Variants in KIF5C observed in about 807,000 individuals in gnomAD.
KIF5C encodes kinesin heavy chain isoform 5C.
Under a neutral mutation model 125.2 loss-of-function variants are expected in KIF5C, and 18 were observed. That is an observed-to-expected ratio of 0.14 (90% CI 0.10 to 0.21). The LOEUF (loss-of-function observed/expected upper bound fraction) is 0.21. Ranked by LOEUF, KIF5C falls within the 10% of genes least tolerant of loss-of-function variation. The pLI, the probability that KIF5C is intolerant of heterozygous loss-of-function variation, is 1.00. For synonymous variants in KIF5C, 405 were observed against 434.0 expected, an observed-to-expected ratio of 0.93 and a Z score of 0.83; for missense variants, 780 against 1,183.8, an observed-to-expected ratio of 0.66 and a Z score of 5.01.
At chr2:148,983,897 G>A (rs1293670287) in intron 15 of KIF5C, 131 bp downstream of exon 15, 2 of 1,234,660 alleles carry the variant, frequency 1.6e-6, no homozygotes, top group Non-Finnish European at 2.1e-6. Context: ...GTGTTTGAAT[G>A]AATGAAAAAA....
At chr2:149,022,882 C>T (rs2105216954) in intron 25 of KIF5C, among the ~76,000 whole-genome samples, 196 bp from the exon 26 acceptor site, 1 of 152,210 alleles carries the variant, frequency 6.6e-6, no homozygotes, top group East Asian at 1.9e-4. Flanking sequence ...CGATATCGCG[C>T]CACTGCACCC....
chr2:148,978,543 G>A (rs968353662), intron 12 of KIF5C, among the ~76,000 whole-genome samples: 8 of 152,010 alleles, frequency 5.3e-5, no homozygotes, highest in Admixed American at 3.3e-4. Flanking sequence ...ATATGACAGT[G>A]CAGCTAGGTA....
chr2:148,922,761 C>A (rs1232483738), intron 2 of KIF5C, among the ~76,000 whole-genome samples: 1 of 152,220 alleles, frequency 6.6e-6, no homozygotes, highest in Non-Finnish European at 1.5e-5. Context: ...TGCCATTCAG[C>A]ATTCCTTAAT....
Position 148,962,106 on chromosome 2 carries a change from C to T in KIF5C, c.1104C>T (p.Asn368=), listed in dbSNP as rs898138355. Residue 368 remains asparagine, a synonymous_variant, in exon 11 of 26, where the codon AAC becomes AAT. Transcript: ENST00000435030. ...NVIQHLEMEL[N]RWRNGEAVPE... ...TCCAGCATCTGGAGATGGAGCTAAA[C>T]AGGTGGAGGAATGGTAAGGAAAAGT... is the stretch of plus-strand genomic sequence containing the variant. 3 of 1,608,126 alleles carry T rather than the reference C, an allele frequency of 1.9e-6. No homozygotes were observed. The highest frequency in any genetic ancestry group is 1.1e-5 in the South Asian group (1 of 90,306).
At chr2:149,018,397 C>T (rs888754255) in intron 25 of KIF5C, among the ~76,000 whole-genome samples, 3 of 152,222 alleles carry the variant, frequency 2.0e-5, no homozygotes, top group Admixed American at 6.5e-5. Flanking sequence ...GATCCTGTCT[C>T]CTCATTCTAC....
At chr2:148,944,174 C>A (rs1306029933) in intron 7 of KIF5C, among the ~76,000 whole-genome samples, 1 of 152,084 alleles carries the variant, frequency 6.6e-6, no homozygotes, top group South Asian at 2.1e-4. Context: ...ATAAAATATA[C>A]TTAATATGAA....
At chr2:149,015,899 G>A (rs1040259253) in intron 25 of KIF5C, among the ~76,000 whole-genome samples, 1 of 152,154 alleles carries the variant, frequency 6.6e-6, no homozygotes, top group Non-Finnish European at 1.5e-5. Flanking sequence ...TGCTTGTTAG[G>A]GGAAGATGGA....
chr2:148,965,018 G>A (rs910719155), intron 11 of KIF5C, among the ~76,000 whole-genome samples: 4 of 152,004 alleles, frequency 2.6e-5, no homozygotes, highest in African/African-American at 4.8e-5. Context: ...GAAATTAGCC[G>A]GGTGTGGTGA....
intron 1 of KIF5C, chr2:148,877,400 A>G (rs1681223143): frequency 6.6e-6 from 1 of 152,286 alleles, no homozygotes; most frequent in Admixed American, 6.5e-5. Flanking sequence ...TGCAGAGAAG[A>G]TATAAGCTAC....
At chr2:148,981,213 A>T (rs1425690525) in intron 13 of KIF5C, 142 bp from the exon 14 acceptor site, 5 of 1,227,746 alleles carry the variant, frequency 4.1e-6, no homozygotes, top group Non-Finnish European at 4.4e-6. Context: ...TCTGGACCAT[A>T]CAGTGGGGTT....
chr2:148,925,636 G>A (rs1276563230), intron 2 of KIF5C, among the ~76,000 whole-genome samples: 1 of 152,138 alleles, frequency 6.6e-6, no homozygotes. Flanking sequence ...ATATTCTTCT[G>A]TACTCCCCTG....
At chr2:148,882,296 A>G (rs1169351077) in intron 1 of KIF5C, among the ~76,000 whole-genome samples, 1 of 151,604 alleles carries the variant, frequency 6.6e-6, no homozygotes, top group Non-Finnish European at 1.5e-5. Flanking sequence ...AGATAACAAC[A>G]CTCTCCACTG....
At chr2:148,900,491 C>T (rs1680851743) in intron 1 of KIF5C, among the ~76,000 whole-genome samples, 1 of 152,148 alleles carries the variant, frequency 6.6e-6, no homozygotes, top group Admixed American at 6.5e-5. Flanking sequence ...GACATAGGGG[C>T]CTCTCCCTCC....
intron 17 of KIF5C, among the ~76,000 whole-genome samples, chr2:148,994,971 G>C (rs916839640): frequency 1.2e-4 from 18 of 152,098 alleles, no homozygotes; most frequent in African/African-American, 4.3e-4. Context: ...AAAAGTACAA[G>C]AGTCAGCCAC....
intron 3 of KIF5C, among the ~76,000 whole-genome samples, chr2:148,936,176 G>C (rs1682286115): frequency 6.6e-6 from 1 of 152,284 alleles, no homozygotes; most frequent in East Asian, 1.9e-4. Flanking sequence ...TGTAGTTCCA[G>C]CTACTAGGGA....
At chr2:148,895,968 T>A (rs752722163) in intron 1 of KIF5C, among the ~76,000 whole-genome samples, 7 of 152,124 alleles carry the variant, frequency 4.6e-5, no homozygotes, top group Non-Finnish European at 1.0e-4. Flanking sequence ...TTATCCTTAA[T>A]TACCCCCCTG....
chr2:148,977,272 G>T (rs1030852455), intron 12 of KIF5C, among the ~76,000 whole-genome samples: 10 of 152,216 alleles, frequency 6.6e-5, no homozygotes, highest in African/African-American at 2.4e-4. Context: ...CTTGTCATCT[G>T]TTGGGAGGAA....
At chr2:148,914,936 T>G (rs553856037) in intron 1 of KIF5C, among the ~76,000 whole-genome samples, 5 of 152,188 alleles carry the variant, frequency 3.3e-5, no homozygotes, top group Non-Finnish European at 7.3e-5. Context: ...AGGCTGCCAT[T>G]GCAAATGAGT....
chr2:148,896,125 G>T (rs147385751), intron 1 of KIF5C, among the ~76,000 whole-genome samples: 4 of 152,186 alleles, frequency 2.6e-5, no homozygotes, highest in African/African-American at 9.7e-5. Context: ...CTGCAAGGGG[G>T]TTGAGAGATG....
Sources: allele counts gnomAD v4.1 joint callset (sites outside exome capture counted in the v4.1 genomes callset), GRCh38; gene constraint gnomAD v4.1.1; transcripts MANE v1.5; gene names NCBI Gene and HGNC (gene_info 2026-07-23, HGNC 2026-07-21).